The following EPB41L1 variants were observed in gnomAD, a reference collection of about 807,000 sequenced individuals.
EPB41L1 encodes erythrocyte membrane protein band 4.1 like 1, also known as band 4.1-like protein 1.
A neutral mutation model predicts 97.8 loss-of-function variants in EPB41L1; 29 were observed. The observed-to-expected ratio is 0.30, with a 90% confidence interval of 0.22 to 0.40. EPB41L1 has a LOEUF of 0.40. EPB41L1 is among the 10% of genes least tolerant of loss of function. The probability of loss-of-function intolerance (pLI) is 1.00; values close to 1 mark genes in which losing one functional copy is unlikely to be tolerated. For synonymous variants in EPB41L1, 383 were observed against 459.2 expected, an observed-to-expected ratio of 0.83 and a Z score of 2.12; for missense variants, 812 against 1,162.3, an observed-to-expected ratio of 0.70 and a Z score of 4.38.
chr20:36,195,257 C>A lies in EPB41L1; in HGVS notation c.1450-72C>A. 6.3e-7 allele frequency: 1 copy of A among 1,591,946 alleles called. No homozygotes were observed. Among genetic ancestry groups the A allele is most frequent in the South Asian group, 1.1e-5 (1 of 90,432 alleles). ...TCTGGGCTCCTTGCTGGACCAAGCC[C>A]ATCGTGGTATCTCTAATCCATCTGC... On this transcript the variant is annotated intron_variant, in intron 12 of 21. Transcript: ENST00000338074. The surrounding 1 kb of genome is among the most constrained non-coding windows in gnomAD (Gnocchi z 4.6).
chr20:36,126,019 G>A (rs1375796150), intron 2 of EPB41L1, among the ~76,000 whole-genome samples: 1 of 152,080 alleles, frequency 6.6e-6, no homozygotes. Context: ...CTCGATGGGG[G>A]GCTGACGAGA....
At chr20:36,157,973 G>T (rs2060378840) in intron 1 of EPB41L1, among the ~76,000 whole-genome samples, 1 of 152,172 alleles carries the variant, frequency 6.6e-6, no homozygotes, top group Non-Finnish European at 1.5e-5. Flanking sequence ...CATTTATTGA[G>T]CATTTATTAT....
chr20:36,122,835 A>G (rs923762802), intron 2 of EPB41L1: 1 of 152,136 alleles, frequency 6.6e-6, no homozygotes, highest in African/African-American at 2.4e-5. Flanking sequence ...TGATCCTCAG[A>G]CAGCCACGTT....
chr20:36,102,036 C>CAAAACAAAACAAAACA (rs145505987), intron 1 of EPB41L1, among the ~76,000 whole-genome samples: 16 of 148,722 alleles, frequency 1.1e-4, no homozygotes, highest in African/African-American at 3.7e-4. Flanking sequence ...CAAAACAAAA[C>CAAAACAAAACAAAACA]AAAAAAAACA....
At chr20:36,165,980 C>T (rs1408555065) in intron 1 of EPB41L1, among the ~76,000 whole-genome samples, 1 of 152,330 alleles carries the variant, frequency 6.6e-6, no homozygotes, top group Non-Finnish European at 1.5e-5. Flanking sequence ...CCTCTTTGCA[C>T]GTGTGCATCC....
upstream of EPB41L1, chr20:36,153,065 C>T (rs76246876): frequency 6.0e-4 from 276 of 456,664 alleles, 3 homozygotes; most frequent in East Asian, 0.017. Context: ...GTGAAGGCAC[C>T]GGAAGCTTTG....
chr20:36,208,753 C>T (rs765758124), intron 14 of EPB41L1, among the ~76,000 whole-genome samples: 1 of 152,134 alleles, frequency 6.6e-6, no homozygotes, highest in Non-Finnish European at 1.5e-5. Flanking sequence ...GTATGTATGT[C>T]GGACAAGAGT....
chr20:36,162,893 A>G (rs771518099), intron 1 of EPB41L1, among the ~76,000 whole-genome samples: 9 of 152,174 alleles, frequency 5.9e-5, no homozygotes, highest in Non-Finnish European at 1.3e-4. Flanking sequence ...CAAGCACCAG[A>G]CAGGATGACT....
intron 2 of EPB41L1, among the ~76,000 whole-genome samples, chr20:36,123,965 T>G (rs2058855140): frequency 6.6e-6 from 1 of 152,114 alleles, no homozygotes; most frequent in South Asian, 2.1e-4. Flanking sequence ...AAACACAAAT[T>G]TGGCTGGGTG....
chr20:36,230,772 C>CT lies in EPB41L1; in HGVS notation c.*1446dup, dbSNP rs777166804. On this transcript the variant is annotated 3_prime_UTR_variant, in exon 22 of 22. Transcript: ENST00000338074. ...TTTTCAGTCTTCTCTCTCTTTCTCTCTTTTTTTTTTTTTTGCCACATTCTG... is the reference window on the plus strand; with the variant it reads ...TTTTCAGTCTTCTCTCTCTTTCTCTCTTTTTTTTTTTTTTTGCCACATTCTG... The CT allele has an allele frequency of 0.01, 1,470 of 142,208 alleles. 18 individuals carry two copies. Among genetic ancestry groups the CT allele is most frequent in the African/African-American group, 0.025 (988 of 38,872 alleles). The allele number at this position is 142,208 out of a possible 1,614,324, so 8.8% of individuals were successfully genotyped here.
intron 1 of EPB41L1, among the ~76,000 whole-genome samples, chr20:36,100,500 T>TA: frequency 1.3e-5 from 2 of 152,368 alleles, no homozygotes; most frequent in East Asian, 1.9e-4. Context: ...TTTATTGGCT[T>TA]ACTGTGTGCC....
At chr20:36,125,589 C>T in intron 2 of EPB41L1, 22 of 1,525,812 alleles carry the variant, frequency 1.4e-5, no homozygotes, top group Non-Finnish European at 1.9e-5. Flanking sequence ...ACCACAAGTG[C>T]ACAGAGGCAT....
chr20:36,184,245 A>G (rs2061588098), intron 6 of EPB41L1, among the ~76,000 whole-genome samples: 1 of 152,138 alleles, frequency 6.6e-6, no homozygotes, highest in Admixed American at 6.5e-5. Flanking sequence ...AAAAAAAGAA[A>G]AAAAGAAAAA....
Position 36,190,223 on chromosome 20 carries a change from A to G in EPB41L1, c.1027-54A>G. 7.5e-7 allele frequency: 1 copy of G among 1,325,568 alleles called. No homozygotes were observed. Among genetic ancestry groups the G allele is most frequent in the South Asian group, 1.2e-5 (1 of 84,126 alleles). The allele number at this position is 1,325,568 out of a possible 1,614,324, so 82.1% of individuals were successfully genotyped here. ...AAATAAAAAACACAAAGAATGGGCT[A>G]GTGGCGAGAGTGAGCTCAGGCCCTG... On this transcript the variant is annotated intron_variant, in intron 9 of 21. Transcript: ENST00000338074. This position sits in a 1 kb window ranked among gnomAD's most constrained non-coding sequence, Gnocchi z 5.8.
In EPB41L1 at chr20:36,093,094, G is replaced by T. The variant is rs1189897022; in HGVS notation, c.-65+1482G>T. The T allele has an allele frequency of 2.0e-5, 3 of 152,514 alleles. No individual in the cohort carries two copies. Among genetic ancestry groups the T allele is most frequent in the East Asian group, 3.9e-4 (2 of 5,124 alleles). The allele number at this position is 152,514 out of a possible 1,614,324, so 9.4% of individuals were successfully genotyped here. On this transcript the variant is annotated intron_variant, in intron 1 of 19. Transcript: ENST00000202028. This position sits in a 1 kb window ranked among gnomAD's most constrained non-coding sequence, Gnocchi z 5.4. ...GCGGCTGCTCGGTGTGCGCGCGCGT[G>T]CGTGTGTGCGCCGGGTGTGCATCTG...
At chr20:36,116,210 T>G (rs530032700) in intron 2 of EPB41L1, among the ~76,000 whole-genome samples, 1 of 152,048 alleles carries the variant, frequency 6.6e-6, no homozygotes. Context: ...AGGGGACATT[T>G]GATCTAAGTT....
intron 14 of EPB41L1, among the ~76,000 whole-genome samples, chr20:36,203,279 G>A (rs544293285): frequency 1.6e-4 from 24 of 152,260 alleles, no homozygotes; most frequent in African/African-American, 4.6e-4. Context: ...GTGATCTTGC[G>A]CATGGCCTCT....
At chr20:36,169,579 A>G (rs1174381672) in intron 1 of EPB41L1, among the ~76,000 whole-genome samples, 2 of 152,206 alleles carry the variant, frequency 1.3e-5, no homozygotes, top group Middle Eastern at 3.4e-3. Context: ...TCACCTTTAC[A>G]GGCTTCTCAC....
intron 2 of EPB41L1, among the ~76,000 whole-genome samples, chr20:36,146,425 G>A (rs1394053658): frequency 6.6e-6 from 1 of 152,248 alleles, no homozygotes; most frequent in Non-Finnish European, 1.5e-5. Context: ...GGAGATAAAA[G>A]CCACAGAGGG....
Sources: allele counts gnomAD v4.1 joint callset (sites outside exome capture counted in the v4.1 genomes callset), GRCh38; gene constraint gnomAD v4.1.1; non-coding constraint Gnocchi (gnomAD v3.1); transcripts MANE v1.5; gene names NCBI Gene and HGNC (gene_info 2026-07-23, HGNC 2026-07-21).